The following DYTN variants were observed in gnomAD, a reference collection of about 807,000 sequenced individuals.
The protein encoded by DYTN is dystrotelin.
Under a neutral mutation model 69.6 loss-of-function variants are expected in DYTN, and 75 were observed. The observed-to-expected ratio is 1.08, with a 90% CI of 0.89 to 1.31. The LOEUF (loss-of-function observed/expected upper bound fraction) is 1.31. DYTN is among the 50% of genes most tolerant of loss of function. The pLI is 0.00. For missense variants in DYTN, 726 were observed against 688.4 expected, an observed-to-expected ratio of 1.05 and a Z score of -0.61; for synonymous variants, 252 against 249.1, an observed-to-expected ratio of 1.01 and a Z score of -0.11.
At position 206,663,026 on chromosome 2, in the gene DYTN, G is replaced by C; in HGVS notation, c.1510C>G (p.Leu504Val). Residue 504 changes from leucine to valine, a missense_variant, in exon 11 of 12, where the codon CTG (leucine) becomes GTG (valine). By Grantham distance (32) the Leu-to-Val change is conservative. Coordinates refer to ENST00000452335, the MANE Select transcript of DYTN (RefSeq NM_001093730.1). ...GCCTCTTTCTTTTCCACGGCTGCCA[G>C]AGCAGGACTGCTCATTTCAGCAGGA... is the stretch of plus-strand genomic sequence containing the variant. ...MVPAEMSSPA[L>V]AAVEKKEAGN... 4 of 1,613,870 alleles carry C rather than the reference G, an allele frequency of 2.5e-6. No homozygotes were observed. Among genetic ancestry groups the C allele is most frequent in the Non-Finnish European group, 2.5e-6 (3 of 1,179,886 alleles).
At chr2:206,654,646 A>G (rs1278790075) in intron 11 of DYTN, among the ~76,000 whole-genome samples, 1 of 152,170 alleles carries the variant, frequency 6.6e-6, no homozygotes, top group African/African-American at 2.4e-5. Context: ...TACATTGCTC[A>G]AGGGTCAACT....
chr2:206,653,134 T>C (rs1699406875), intron 11 of DYTN, among the ~76,000 whole-genome samples: 1 of 152,176 alleles, frequency 6.6e-6, no homozygotes, highest in South Asian at 2.1e-4. Context: ...CTAAATAATA[T>C]TTTATTGTCT....
chr2:206,691,166 A>C (rs891580525), intron 9 of DYTN, among the ~76,000 whole-genome samples: 1 of 152,186 alleles, frequency 6.6e-6, no homozygotes, highest in African/African-American at 2.4e-5. Flanking sequence ...TAATCCCAGC[A>C]CTTTGGGAGG....
chr2:206,699,579 G>T, intron 7 of DYTN, 148 bp downstream of exon 7: 2 of 810,464 alleles, frequency 2.5e-6, no homozygotes, highest in Non-Finnish European at 1.8e-6. Context: ...CAACCAGGAT[G>T]CCTCTTGCCA....
chr2:206,689,152 T>G (rs1288736991), intron 9 of DYTN, among the ~76,000 whole-genome samples: 1 of 152,226 alleles, frequency 6.6e-6, no homozygotes, highest in East Asian at 1.9e-4. Context: ...CACCTAACTT[T>G]CAGTTCTGGT....
intron 1 of DYTN, 151 bp downstream of exon 1, chr2:206,718,110 G>T: frequency 1.4e-6 from 1 of 740,220 alleles, no homozygotes; most frequent in Non-Finnish European, 2.0e-6. Flanking sequence ...AGAAGAGAGA[G>T]AAAGCCACTT....
Position 206,707,319 on chromosome 2 carries a change from G to A in DYTN, c.279C>T (p.Leu93=). The part of the protein sequence containing the change: ...PRAPELTLSL[L]TTMYNSKGTG... ...ACCCTCACCTGTTGTACATTGTCGT[G>A]AGAAGGCTCAGAGTGAGTTCCGGAG... Residue 93 remains leucine (L), a synonymous_variant, in exon 3 of 12, where the codon CTC becomes CTT. Transcript: ENST00000452335. The A allele has an allele frequency of 3.7e-6, 6 of 1,612,032 alleles. No individual in the cohort carries two copies. The highest frequency in any genetic ancestry group is 5.1e-6 in the Non-Finnish European group (6 of 1,179,294).
At chr2:206,696,748 A>G (rs1362497267) in intron 7 of DYTN, among the ~76,000 whole-genome samples, 1 of 152,188 alleles carries the variant, frequency 6.6e-6, no homozygotes, top group Non-Finnish European at 1.5e-5. Context: ...ACACTATCCT[A>G]GAATAGACCA....
intron 9 of DYTN, among the ~76,000 whole-genome samples, chr2:206,670,258 C>T (rs1223310117): frequency 6.6e-6 from 1 of 152,252 alleles, no homozygotes; most frequent in Admixed American, 6.5e-5. Flanking sequence ...ATCAGGCAAT[C>T]GAAAGTCAAA....
intron 1 of DYTN, among the ~76,000 whole-genome samples, chr2:206,713,300 T>G (rs1456965320): frequency 2.0e-5 from 3 of 152,240 alleles, no homozygotes; most frequent in Non-Finnish European, 4.4e-5. Flanking sequence ...ACATTGTTAT[T>G]AACTATAGTC....
chr2:206,666,813 G>T (rs548649943), intron 9 of DYTN, among the ~76,000 whole-genome samples: 1 of 145,092 alleles, frequency 6.9e-6, no homozygotes, highest in South Asian at 2.3e-4. Flanking sequence ...ATCCCTTGAG[G>T]CCAGGAAATT....
chr2:206,660,598 G>T (rs1015520557), intron 11 of DYTN, among the ~76,000 whole-genome samples: 1 of 152,204 alleles, frequency 6.6e-6, no homozygotes, highest in Non-Finnish European at 1.5e-5. Flanking sequence ...AGTGGATATT[G>T]ACTTCGCTTT....
In DYTN at chr2:206,663,221, T is replaced by A. The variant is rs1287012094; in HGVS notation, c.1315A>T (p.Ser439Cys). ...PLPKLDEVDR[S>C]HRSHTNAEHA... is the part of the protein sequence containing the mutation. ...TCTGCATTTGTGTGACTTCTGTGACTTCTGTCAACCTCATCAAGCTTAGGA... is the reference window on the plus strand; with the variant it reads ...TCTGCATTTGTGTGACTTCTGTGACATCTGTCAACCTCATCAAGCTTAGGA... The change falls in exon 11 of 12, where the codon AGT becomes TGT. Residue 439 changes from serine (S) to cysteine (C), a missense_variant. Ser to Cys is a moderately radical substitution (Grantham distance 112, BLOSUM62 -1). Coordinates refer to ENST00000452335, the MANE Select transcript of DYTN (RefSeq NM_001093730.1). 2 of 1,613,918 alleles carry A rather than the reference T, an allele frequency of 1.2e-6. No individual in the cohort carries two copies. The highest frequency in any genetic ancestry group is 1.7e-6 in the Non-Finnish European group (2 of 1,179,908).
At chr2:206,696,624 G>A (rs557489547) in intron 7 of DYTN, among the ~76,000 whole-genome samples, 3 of 152,240 alleles carry the variant, frequency 2.0e-5, no homozygotes, top group Admixed American at 1.3e-4. Flanking sequence ...GAATTAAAGA[G>A]AGTTTAAGTA....
rs374419183 is a variant in DYTN, at chr2:206,651,794, A to T, written c.*24T>A. 6 of 1,600,980 alleles carry T rather than the reference A, an allele frequency of 3.7e-6. No individual in the cohort carries two copies. In the African/African-American group the frequency reaches 4.0e-5, roughly 11 times the overall value. ...AACTGCATTTTGTCATCACACCAAG[A>T]GGCCTTTGAGCCTGGACTCCATTTC... On this transcript the variant is annotated 3_prime_UTR_variant, in exon 12 of 12. Transcript: ENST00000452335.
chr2:206,664,806 G>A (rs1699552340), intron 10 of DYTN, among the ~76,000 whole-genome samples: 1 of 152,172 alleles, frequency 6.6e-6, no homozygotes, highest in African/African-American at 2.4e-5. Context: ...TAATGAACGT[G>A]AATTTTTTTC....
At chr2:206,701,173 C>CTTTGGACA (rs1283387681) in intron 5 of DYTN, 2 of 152,184 alleles carry the variant, frequency 1.3e-5, no homozygotes, top group Non-Finnish European at 2.9e-5. Context: ...AACTCACTAC[C>CTTTGGACA]TTTGGACAAG....
intron 11 of DYTN, among the ~76,000 whole-genome samples, chr2:206,661,773 T>C (rs1421886349): frequency 6.6e-6 from 1 of 152,110 alleles, no homozygotes; most frequent in Admixed American, 6.5e-5. Flanking sequence ...ATTAATAAAG[T>C]TTTGGGGAGT....
chr2:206,698,506 G>C (rs1432954893), intron 7 of DYTN, among the ~76,000 whole-genome samples: 1 of 152,118 alleles, frequency 6.6e-6, no homozygotes, highest in Non-Finnish European at 1.5e-5. Context: ...GTTTTGCCTT[G>C]TATTTAGCTA....
Sources: allele counts gnomAD v4.1 joint callset (sites outside exome capture counted in the v4.1 genomes callset), GRCh38; gene constraint gnomAD v4.1.1; transcripts MANE v1.5; gene names NCBI Gene and HGNC (gene_info 2026-07-23, HGNC 2026-07-21).